The following PCDH15 variants were observed in gnomAD, a reference collection of about 807,000 sequenced individuals.
The protein encoded by PCDH15 is protocadherin-15.
A neutral mutation model predicts 178.5 loss-of-function variants in PCDH15; 129 were observed. The observed-to-expected ratio is 0.72, with a 90% CI of 0.63 to 0.84. The LOEUF (loss-of-function observed/expected upper bound fraction) is 0.84, where lower values mean the gene tolerates loss of function less well. PCDH15 is among the 40% of genes least tolerant of loss of function. The probability of loss-of-function intolerance (pLI) is 0.00; values close to 1 mark genes in which losing one functional copy is unlikely to be tolerated. For missense variants in PCDH15, 2,230 were observed against 2,099.9 expected (o/e 1.06, Z -1.21); for synonymous variants, 800 against 732.0 (o/e 1.09, Z -1.50).
At chr10:55,521,136 T>C in intron 2 of PCDH15, among the ~76,000 whole-genome samples, 1 of 152,034 alleles carries the variant, frequency 6.6e-6, no homozygotes, top group Admixed American at 6.6e-5. Flanking sequence ...TATTTGATGT[T>C]GTTTTTAGAT....
chr10:55,056,329 A>G (rs1280010335), intron 2 of PCDH15, among the ~76,000 whole-genome samples: 1 of 151,990 alleles, frequency 6.6e-6, no homozygotes, highest in Non-Finnish European at 1.5e-5. Context: ...GCTCTAGTTT[A>G]TTATACTCCA....
At chr10:53,961,130 A>G (rs2088260324) in intron 22 of PCDH15, among the ~76,000 whole-genome samples, 1 of 152,126 alleles carries the variant, frequency 6.6e-6, no homozygotes, top group South Asian at 2.1e-4. Flanking sequence ...TAACATAACA[A>G]CAATCAGTAT....
chr10:54,100,928 T>C (rs983599703), intron 15 of PCDH15, among the ~76,000 whole-genome samples: 2 of 152,110 alleles, frequency 1.3e-5, no homozygotes, highest in East Asian at 1.9e-4. Context: ...GTCCACTTTA[T>C]ATACTGATAA....
At chr10:53,913,578 CAAAAA>C (rs55917688) in intron 25 of PCDH15, among the ~76,000 whole-genome samples, 1 of 142,614 alleles carries the variant, frequency 7.0e-6, no homozygotes, top group Non-Finnish European at 1.5e-5. Flanking sequence ...CTAAAAGATA[CAAAAA>C]AAAAAAAAAA....
At chr10:54,473,290 A>G (rs1478182070) in intron 3 of PCDH15, among the ~76,000 whole-genome samples, 4 of 152,184 alleles carry the variant, frequency 2.6e-5, no homozygotes, top group African/African-American at 9.6e-5. Flanking sequence ...GGATATTTGG[A>G]AGCATATTGA....
intron 1 of PCDH15, among the ~76,000 whole-genome samples, chr10:54,758,913 ATTTTC>A (rs1947510459): frequency 6.6e-6 from 1 of 151,854 alleles, no homozygotes; most frequent in South Asian, 2.1e-4. Context: ...TTATGCCTGT[ATTTTC>A]TTTTATCTTT....
At chr10:55,036,990 A>G (rs1050821068) in intron 2 of PCDH15, among the ~76,000 whole-genome samples, 1 of 152,204 alleles carries the variant, frequency 6.6e-6, no homozygotes, top group Non-Finnish European at 1.5e-5. Context: ...TGTCTTTCAG[A>G]TCAGACTTCT....
chr10:54,455,936 T>C (rs574831156), intron 3 of PCDH15, among the ~76,000 whole-genome samples: 3 of 152,288 alleles, frequency 2.0e-5, no homozygotes, highest in Non-Finnish European at 4.4e-5. Flanking sequence ...AGCTTACACA[T>C]GGTATTGGGC....
At chr10:54,876,452 T>C (rs1048302518) in intron 3 of PCDH15, among the ~76,000 whole-genome samples, 2 of 152,120 alleles carry the variant, frequency 1.3e-5, no homozygotes, top group African/African-American at 4.8e-5. Flanking sequence ...TAGATAGTGA[T>C]TCTTACAAGG....
intron 2 of PCDH15, among the ~76,000 whole-genome samples, chr10:54,912,394 G>A (rs540804165): frequency 2.3e-4 from 35 of 152,188 alleles, no homozygotes; most frequent in Middle Eastern, 3.4e-3. Flanking sequence ...TCATGACAGT[G>A]AATGAGTTCT....
chr10:54,722,460 A>G (rs1270743929), intron 1 of PCDH15, among the ~76,000 whole-genome samples: 1 of 151,362 alleles, frequency 6.6e-6, no homozygotes, highest in Non-Finnish European at 1.5e-5. Context: ...CAAATAACTA[A>G]TTGCTTGTTT....
At chr10:53,909,086 G>T (rs950602264) in intron 25 of PCDH15, among the ~76,000 whole-genome samples, 5 of 152,142 alleles carry the variant, frequency 3.3e-5, no homozygotes, top group African/African-American at 9.7e-5. Context: ...CGTATCGACG[G>T]AAGAACCTGG....
chr10:54,071,392 C>T (rs11594564), intron 17 of PCDH15, among the ~76,000 whole-genome samples: 28,471 of 151,942 alleles, frequency 0.19, 2,995 homozygotes, highest in Non-Finnish European at 0.25. Context: ...TGTAATACTA[C>T]GAATTTAATA....
chr10:54,422,978 A>G (rs1565235016), intron 3 of PCDH15, among the ~76,000 whole-genome samples: 1 of 152,166 alleles, frequency 6.6e-6, no homozygotes. Context: ...TTTGCCTAAT[A>G]TCTCTTTTGA....
At chr10:54,125,851 T>C (rs2041944799) in intron 15 of PCDH15, among the ~76,000 whole-genome samples, 1 of 152,232 alleles carries the variant, frequency 6.6e-6, no homozygotes, top group African/African-American at 2.4e-5. Flanking sequence ...TGTCAGTTTG[T>C]TCTTTAAATT....
chr10:53,960,072 A>G (rs1470522403), intron 22 of PCDH15, among the ~76,000 whole-genome samples: 5 of 152,300 alleles, frequency 3.3e-5, no homozygotes, highest in Middle Eastern at 3.4e-3. Context: ...TTCACTTGCT[A>G]GATGAGAATA....
intron 3 of PCDH15, among the ~76,000 whole-genome samples, chr10:54,387,605 A>G (rs1263875443): frequency 6.6e-6 from 1 of 152,156 alleles, no homozygotes; most frequent in African/African-American, 2.4e-5. Context: ...AGGCCTCTCA[A>G]AGTATCAAAA....
chr10:54,500,416 AC>A (rs1246285455), intron 3 of PCDH15, among the ~76,000 whole-genome samples: 1 of 152,132 alleles, frequency 6.6e-6, no homozygotes, highest in Non-Finnish European at 1.5e-5. Context: ...CATGTAATAA[AC>A]CTGTACATGT....
At chr10:54,687,376 A>T (rs1365790246) in intron 1 of PCDH15, among the ~76,000 whole-genome samples, 1 of 152,100 alleles carries the variant, frequency 6.6e-6, no homozygotes, top group Non-Finnish European at 1.5e-5. Context: ...GCTCATTGCG[A>T]CTCTATTTAC....
Sources: allele counts gnomAD v4.1 joint callset (sites outside exome capture counted in the v4.1 genomes callset), GRCh38; gene constraint gnomAD v4.1.1; transcripts MANE v1.5; gene names NCBI Gene and HGNC (gene_info 2026-07-23, HGNC 2026-07-21).